CFAP299: variants seen among roughly 807,000 people sequenced by gnomAD.
CFAP299 encodes the protein cilia and flagella associated protein 299.
Under a neutral mutation model 27.0 loss-of-function variants are expected in CFAP299, and 21 were observed. That is an observed-to-expected ratio of 0.78 (90% CI 0.55 to 1.12). The LOEUF is 1.12. Among genes scored for constraint, CFAP299 ranks in the 50% most tolerant of loss-of-function variants. The pLI is 0.00. For synonymous variants in CFAP299, 104 were observed against 98.1 expected (o/e 1.06, Z -0.36); for missense variants, 310 against 276.6 (o/e 1.12, Z -0.86).
intron 3 of CFAP299, among the ~76,000 whole-genome samples, chr4:80,733,754 A>G (rs1192020384): frequency 6.6e-6 from 1 of 152,080 alleles, no homozygotes; most frequent in Non-Finnish European, 1.5e-5. Context: ...TACTTAATAT[A>G]ATGACCTCCA....
chr4:80,599,849 A>G (rs1274426147), intron 3 of CFAP299, among the ~76,000 whole-genome samples: 1 of 152,076 alleles, frequency 6.6e-6, no homozygotes. Flanking sequence ...ATGCGACCAA[A>G]TCATAATATG....
At chr4:80,488,500 G>A (rs1430974146) in intron 2 of CFAP299, among the ~76,000 whole-genome samples, 2 of 144,094 alleles carry the variant, frequency 1.4e-5, no homozygotes, top group Non-Finnish European at 3.0e-5. Context: ...TTGAGATGGA[G>A]TCTCACTCTG....
intron 2 of CFAP299, among the ~76,000 whole-genome samples, chr4:80,469,947 G>GA (rs1729904427): frequency 1.3e-5 from 2 of 151,948 alleles, no homozygotes; most frequent in South Asian, 4.2e-4. Flanking sequence ...AATTGAGCAA[G>GA]AAAAAATCTA....
At chr4:80,908,498 G>A (rs1735298235) in intron 4 of CFAP299, among the ~76,000 whole-genome samples, 1 of 152,102 alleles carries the variant, frequency 6.6e-6, no homozygotes, top group Non-Finnish European at 1.5e-5. Flanking sequence ...TTAGTGGAGA[G>A]GTGTTCCGAA....
At chr4:80,542,038 T>A (rs1186853934) in intron 2 of CFAP299, among the ~76,000 whole-genome samples, 1 of 152,136 alleles carries the variant, frequency 6.6e-6, no homozygotes, top group Non-Finnish European at 1.5e-5. Context: ...CCAAAGTAGT[T>A]TGCTTGTTGA....
intron 3 of CFAP299, chr4:80,608,413 T>C: frequency 6.9e-7 from 1 of 1,443,620 alleles, no homozygotes; most frequent in Non-Finnish European, 9.4e-7. Flanking sequence ...AAGTTTCCTT[T>C]ACAAGTTAGA....
At chr4:80,776,395 C>T (rs75488096) in intron 3 of CFAP299, among the ~76,000 whole-genome samples, 61 of 152,062 alleles carry the variant, frequency 4.0e-4, no homozygotes, top group African/African-American at 1.3e-3. Flanking sequence ...TACATAAATG[C>T]GTGTCAGGAA....
chr4:80,749,197 A>G (rs1222431295), intron 3 of CFAP299, among the ~76,000 whole-genome samples: 1 of 152,164 alleles, frequency 6.6e-6, no homozygotes, highest in Non-Finnish European at 1.5e-5. Flanking sequence ...ATGTTGTTTG[A>G]CATCTGGGAT....
At chr4:80,750,458 T>C (rs1176859825) in intron 3 of CFAP299, among the ~76,000 whole-genome samples, 1 of 152,182 alleles carries the variant, frequency 6.6e-6, no homozygotes, top group Non-Finnish European at 1.5e-5. Flanking sequence ...AAGAATCTTA[T>C]ATAATAGGAA....
intron 3 of CFAP299, among the ~76,000 whole-genome samples, chr4:80,759,799 T>C (rs1054685472): frequency 3.7e-4 from 57 of 152,208 alleles, no homozygotes; most frequent in Admixed American, 3.7e-3. Flanking sequence ...TGAATTTATT[T>C]AGTGATCTAA....
intron 1 of CFAP299, among the ~76,000 whole-genome samples, chr4:80,357,253 G>A (rs1377741143): frequency 6.6e-6 from 1 of 152,116 alleles, no homozygotes; most frequent in Admixed American, 6.5e-5. Context: ...ATTTTATTGA[G>A]GATTTTTGCA....
At chr4:80,631,339 T>C (rs1046217688) in intron 3 of CFAP299, among the ~76,000 whole-genome samples, 3 of 152,112 alleles carry the variant, frequency 2.0e-5, no homozygotes, top group Admixed American at 6.5e-5. Context: ...GTATAAATTG[T>C]ATGAGAGTCA....
intron 3 of CFAP299, among the ~76,000 whole-genome samples, chr4:80,598,348 A>G (rs2109896770): frequency 6.6e-6 from 1 of 152,314 alleles, no homozygotes; most frequent in East Asian, 1.9e-4. Flanking sequence ...TGTACCTACA[A>G]TTGTATTGAT....
At chr4:80,943,721 CAAGT>C (rs1054146336) in intron 4 of CFAP299, among the ~76,000 whole-genome samples, 5 of 151,880 alleles carry the variant, frequency 3.3e-5, no homozygotes, top group African/African-American at 7.3e-5. Context: ...TCATTTCTGA[CAAGT>C]AAGTACAAAA....
chr4:80,637,379 A>G (rs1171116893), intron 3 of CFAP299, among the ~76,000 whole-genome samples: 3 of 152,186 alleles, frequency 2.0e-5, no homozygotes, highest in Non-Finnish European at 4.4e-5. Flanking sequence ...TTGGAAAGAA[A>G]TGGTTGTCAA....
chr4:80,847,276 G>T (rs764280060), intron 3 of CFAP299, among the ~76,000 whole-genome samples: 6 of 152,200 alleles, frequency 3.9e-5, no homozygotes, highest in Non-Finnish European at 8.8e-5. Flanking sequence ...GATATGGCCA[G>T]TATAAAACTC....
chr4:80,945,241 G>A (rs75827499), intron 5 of CFAP299, among the ~76,000 whole-genome samples: 6,645 of 152,206 alleles, frequency 0.044, 439 homozygotes, highest in African/African-American at 0.14. Context: ...TGCTTCCCCC[G>A]ATCCTGCAGA....
chr4:80,807,862 T>A (rs1728944627), intron 3 of CFAP299, among the ~76,000 whole-genome samples: 1 of 152,046 alleles, frequency 6.6e-6, no homozygotes, highest in Non-Finnish European at 1.5e-5. Context: ...CATTTCAAGG[T>A]GTGTCATAAT....
intron 3 of CFAP299, among the ~76,000 whole-genome samples, chr4:80,669,104 T>TTTTTC (rs70944802): frequency 6.8e-4 from 64 of 93,926 alleles, no homozygotes; most frequent in African/African-American, 2.4e-3. Flanking sequence ...CTTAATTTCT[T>TTTTTC]TTTTCTTTTC....
Sources: allele counts gnomAD v4.1 joint callset (sites outside exome capture counted in the v4.1 genomes callset), GRCh38; gene constraint gnomAD v4.1.1; transcripts MANE v1.5; gene names NCBI Gene and HGNC (gene_info 2026-07-23, HGNC 2026-07-21).